BRAF: variants seen among roughly 807,000 people sequenced by gnomAD.
BRAF encodes serine/threonine-protein kinase B-raf.
Under a neutral mutation model 104.6 loss-of-function variants are expected in BRAF, and 16 were observed. The ratio of observed to expected loss-of-function variants is 0.15; its 90% CI spans 0.10 to 0.23. The LOEUF is 0.23. Among genes scored for constraint, BRAF ranks in the 10% least tolerant of loss-of-function variants. BRAF has a pLI of 1.00. For synonymous variants in BRAF, 310 were observed against 341.6 expected (o/e 0.91, Z 1.02); for missense variants, 541 against 937.3 (o/e 0.58, Z 5.52).
At chr7:140,868,718 A>G (rs1457897985) in intron 1 of BRAF, among the ~76,000 whole-genome samples, 1 of 152,208 alleles carries the variant, frequency 6.6e-6, no homozygotes, top group East Asian at 1.9e-4. Flanking sequence ...AGTGATTTGT[A>G]TGGTAGGTGA....
At chr7:140,773,483 C>T (rs1175157090) in intron 14 of BRAF, 1 of 152,066 alleles carries the variant, frequency 6.6e-6, no homozygotes, top group Non-Finnish European at 1.5e-5. Flanking sequence ...GGAAATCTCC[C>T]TTCATCATTT....
At position 140,794,442 on chromosome 7, in the gene BRAF, G is replaced by C. The variant is rs1468404745; in HGVS notation, c.1006C>G (p.Pro336Ala). The change falls in exon 8 of 20, where the codon CCT becomes GCT. Residue 336 changes from proline (P) to alanine (A), a missense_variant. Around this residue, in one of 10 missense-constraint regions of BRAF, gnomAD observed 79 missense variants for 74.6 expected, o/e 1.06. Coordinates refer to ENST00000644969, the MANE Select transcript of BRAF (RefSeq NM_001374258.1). ...IGPQILTSPS[P>A]SKSIPIPQPF... is the part of the protein sequence containing the mutation. ...TGTGGAATTGGAATGGATTTTGAAG[G>C]AGACGGACTGGTGAGAATTTGGGGC... is the stretch of plus-strand genomic sequence containing the variant. The C allele has an allele frequency of 6.2e-7, 1 of 1,614,040 alleles. No homozygotes were observed. The highest frequency in any genetic ancestry group is 1.1e-5 in the South Asian group (1 of 91,088).
At chr7:140,789,061 TAGAC>T (rs1434572596) in intron 8 of BRAF, among the ~76,000 whole-genome samples, 31 of 151,440 alleles carry the variant, frequency 2.0e-4, no homozygotes, top group Non-Finnish European at 1.0e-4. Context: ...ATACAAAAAT[TAGAC>T]AGGCATGGTG....
chr7:140,784,433 A>G (rs1801161510), intron 10 of BRAF, among the ~76,000 whole-genome samples: 1 of 152,146 alleles, frequency 6.6e-6, no homozygotes, highest in South Asian at 2.1e-4. Flanking sequence ...ATGATCTACT[A>G]AGTAGTTTTA....
intron 14 of BRAF, among the ~76,000 whole-genome samples, chr7:140,775,736 G>A (rs1562954101): frequency 6.6e-6 from 1 of 152,170 alleles, no homozygotes. Flanking sequence ...GGGTAAGTGG[G>A]GGTGTTACTG....
At chr7:140,872,338 C>G (rs563401543) in intron 1 of BRAF, among the ~76,000 whole-genome samples, 1 of 151,372 alleles carries the variant, frequency 6.6e-6, no homozygotes, top group Non-Finnish European at 1.5e-5. Context: ...GTCCATGGTA[C>G]TTTAACAAAA....
chr7:140,907,988 G>A lies in BRAF; in HGVS notation c.138+16578C>T, dbSNP rs377573698. On this transcript the variant is annotated intron_variant, in intron 1 of 19. Coordinates refer to ENST00000644969, the MANE Select transcript of BRAF (RefSeq NM_001374258.1). ...TTGAACTCCTGACCTCAGGTGATCC[G>A]CCTGCCTTGGCCTCCCAAAGTGCTG... 1.2e-4 allele frequency among the ~76,000 whole-genome samples: 19 copies of A among 152,062 alleles called. No homozygotes were observed. In the East Asian group the frequency reaches 2.1e-3, roughly 17 times the overall value.
chr7:140,886,712 A>C (rs1193098257), intron 1 of BRAF, among the ~76,000 whole-genome samples: 1 of 152,162 alleles, frequency 6.6e-6, no homozygotes, highest in South Asian at 2.1e-4. Context: ...CTGAGCTCTC[A>C]CATCACCCCC....
chr7:140,784,328 C>T (rs1295745813), intron 10 of BRAF, among the ~76,000 whole-genome samples: 1 of 152,118 alleles, frequency 6.6e-6, no homozygotes, highest in Non-Finnish European at 1.5e-5. Flanking sequence ...ATGGTATCCA[C>T]AATGTCTATT....
intron 14 of BRAF, among the ~76,000 whole-genome samples, chr7:140,765,652 C>T (rs1562948775): frequency 6.6e-6 from 1 of 152,036 alleles, no homozygotes; most frequent in Non-Finnish European, 1.5e-5. Context: ...CATGAACAGA[C>T]ACTTCTCAAA....
rs146148440 is a variant in BRAF at position 140,806,738 on chromosome 7, T to G, written c.711+1222A>C. Among the ~76,000 whole-genome samples, 556 of 152,288 alleles carry G rather than the reference T, an allele frequency of 3.7e-3. 6 individuals are homozygous for G. The highest frequency in any genetic ancestry group is 0.013 in the African/African-American group (527 of 41,560). ...ACTTAAAATTCAACATGTTAAAAAA[T>G]TATTTGCTGCACAGTAAAATTTGAT... is the stretch of plus-strand genomic sequence containing the variant. On this transcript the variant is annotated intron_variant, in intron 5 of 19. Coordinates refer to ENST00000644969, the MANE Select transcript of BRAF (RefSeq NM_001374258.1).
intron 3 of BRAF, among the ~76,000 whole-genome samples, chr7:140,828,514 G>A (rs761886657): frequency 1.2e-4 from 19 of 152,142 alleles, no homozygotes; most frequent in Non-Finnish European, 2.6e-4. Context: ...ATATTGCAAT[G>A]TGATATACAT....
In BRAF at chr7:140,725,700, A is replaced by T; in HGVS notation, c.*794T>A. 4.8e-6 allele frequency: 2 copies of T among 415,290 alleles called. No homozygotes were observed. The highest frequency in any genetic ancestry group is 2.2e-4 in the South Asian group (2 of 9,266). The allele number at this position is 415,290 out of a possible 1,614,324, so 25.7% of individuals were successfully genotyped here. ...CTGAGAATTTGCTACATTGTGGAGGAAAAAAAAAAAACCCAAACACTTATC... is the reference window on the plus strand; with the variant it reads ...CTGAGAATTTGCTACATTGTGGAGGTAAAAAAAAAAACCCAAACACTTATC... On this transcript the variant is annotated 3_prime_UTR_variant, in exon 20 of 20. Transcript: ENST00000644969.
At chr7:140,795,525 A>C (rs1802410170) in intron 7 of BRAF, among the ~76,000 whole-genome samples, 1 of 152,216 alleles carries the variant, frequency 6.6e-6, no homozygotes, top group Non-Finnish European at 1.5e-5. Context: ...ATAAAAAGAC[A>C]CTTTTGTGAG....
Position 140,734,786 on chromosome 7 carries a change from GAA to G in BRAF, c.2248-18_2248-17del. On this transcript the variant is annotated splice_polypyrimidine_tract_variant and intron_variant, in intron 18 of 19. Transcript: ENST00000644969. ...AGGCGAGAATCTACAAAAAAAAAAA[GAA>G]AAAAAAAAGAAAAAAAAAGAAAAAA... 1.2e-6 allele frequency: 1 copy of G among 821,500 alleles called. No individual in the cohort carries two copies. The highest frequency in any genetic ancestry group is 3.2e-5 in the South Asian group (1 of 31,560). The allele number at this position is 821,500 out of a possible 1,614,324, so 50.9% of individuals were successfully genotyped here. A position where few individuals can be genotyped will look rare whatever the true frequency, so the allele number is the denominator to read the frequency against.
At chr7:140,846,633 GCC>G (rs1808571846) in intron 2 of BRAF, among the ~76,000 whole-genome samples, 1 of 151,996 alleles carries the variant, frequency 6.6e-6, no homozygotes, top group Non-Finnish European at 1.5e-5. Flanking sequence ...TGGACTTAAT[GCC>G]ACAGAACCAT....
At position 140,736,504 on chromosome 7, in the gene BRAF, C is replaced by T. The variant is rs954637860; in HGVS notation, c.2248-1734G>A. Among the ~76,000 whole-genome samples the T allele has an allele frequency of 7.5e-5, 11 of 147,474 alleles. No individual in the cohort carries two copies. In the South Asian group the frequency reaches 2.2e-3, roughly 29 times the overall value. Reference sequence around the variant, plus strand: ...GTGCAATGGTGCGATCTCGGCTCACCGCAACCTCCGCCTCCTGGGTTCAAA... The same window carrying T: ...GTGCAATGGTGCGATCTCGGCTCACTGCAACCTCCGCCTCCTGGGTTCAAA... On this transcript the variant is annotated intron_variant, in intron 18 of 19. Transcript: ENST00000644969.
At chr7:140,717,852 A>T (rs982632748), downstream of BRAF, among the ~76,000 whole-genome samples, 1 of 152,226 alleles carries the variant, frequency 6.6e-6, no homozygotes, top group Non-Finnish European at 1.5e-5. Context: ...TTTTCAGAAG[A>T]GAAAAACTGC....
intron 14 of BRAF, among the ~76,000 whole-genome samples, chr7:140,757,292 A>G (rs368946356): frequency 1.3e-5 from 2 of 151,948 alleles, no homozygotes; most frequent in Admixed American, 1.3e-4. Context: ...TTTGGACTTG[A>G]CTAGGATTTT....
Sources: allele counts gnomAD v4.1 joint callset (sites outside exome capture counted in the v4.1 genomes callset), GRCh38; gene constraint gnomAD v4.1.1; regional missense constraint gnomAD v4.1.1; transcripts MANE v1.5; gene names NCBI Gene and HGNC (gene_info 2026-07-23, HGNC 2026-07-21).